CDH11: variants seen among roughly 807,000 people sequenced by gnomAD.
The protein encoded by CDH11 is cadherin 11, also known as cadherin-11.
In CDH11, 11 loss-of-function variants were observed where a neutral mutation model predicts 67.8. The ratio of observed to expected loss-of-function variants is 0.16; its 90% CI spans 0.10 to 0.27. The LOEUF is 0.27. Among genes scored for constraint, CDH11 ranks in the 10% least tolerant of loss-of-function variants. CDH11 has a pLI of 1.00. For missense variants in CDH11, 847 were observed against 1,031.2 expected (o/e 0.82, Z 2.45); for synonymous variants, 419 against 400.0 (o/e 1.05, Z -0.57).
At chr16:65,118,594 G>T (rs1164356671) in intron 1 of CDH11, among the ~76,000 whole-genome samples, 2 of 152,138 alleles carry the variant, frequency 1.3e-5, no homozygotes, top group Non-Finnish European at 2.9e-5. Flanking sequence ...TTATGAAACA[G>T]CAGCCAATTC....
intron 2 of CDH11, among the ~76,000 whole-genome samples, chr16:65,016,090 A>G (rs936907676): frequency 6.6e-6 from 1 of 152,126 alleles, no homozygotes; most frequent in African/African-American, 2.4e-5. Context: ...TTTCTAATGT[A>G]CCTCACCAAA....
chr16:65,044,943 A>G (rs956373357), intron 2 of CDH11, among the ~76,000 whole-genome samples: 23 of 152,012 alleles, frequency 1.5e-4, no homozygotes, highest in Admixed American at 9.8e-4. Context: ...AGAGCTGGAC[A>G]TGCTTTCATG....
At chr16:65,087,169 T>C (rs1043454176) in intron 1 of CDH11, among the ~76,000 whole-genome samples, 7 of 152,180 alleles carry the variant, frequency 4.6e-5, no homozygotes, top group African/African-American at 1.7e-4. Context: ...CTGACACAGG[T>C]ATTGCTTCCT....
chr16:65,044,538 G>A (rs2142683020), intron 2 of CDH11, among the ~76,000 whole-genome samples: 1 of 152,120 alleles, frequency 6.6e-6, no homozygotes, highest in South Asian at 2.1e-4. Flanking sequence ...AGGAATCAAG[G>A]CACTCTCTAT....
At chr16:65,019,395 C>T (rs895855183) in intron 2 of CDH11, among the ~76,000 whole-genome samples, 1 of 152,134 alleles carries the variant, frequency 6.6e-6, no homozygotes, top group African/African-American at 2.4e-5. Flanking sequence ...ATTTTCCAAA[C>T]AATCTGTCTC....
At position 64,946,863 on chromosome 16, in the gene CDH11, A is replaced by G; in HGVS notation, c.*740T>C. 1 of 834,904 alleles carries G rather than the reference A, an allele frequency of 1.2e-6. No homozygotes were observed. The highest frequency in any genetic ancestry group is 1.5e-6 in the Non-Finnish European group (1 of 681,736). 51.7% of individuals were successfully genotyped at this position (834,904 alleles called of 1,614,324 possible). On this transcript the variant is annotated 3_prime_UTR_variant, in exon 13 of 13. Transcript: ENST00000268603. ...AGCAACAGTACAATGTTCATAAAATATAAGTGTGATGCCGTAACATTTTCT... is the reference window on the plus strand; with the variant it reads ...AGCAACAGTACAATGTTCATAAAATGTAAGTGTGATGCCGTAACATTTTCT...
chr16:64,980,117 G>GA (rs1413546765), intron 8 of CDH11, among the ~76,000 whole-genome samples: 1 of 152,062 alleles, frequency 6.6e-6, no homozygotes, highest in Non-Finnish European at 1.5e-5. Context: ...TTGTGGGGGG[G>GA]ATCAATAAAA....
At chr16:64,973,390 T>A (rs2072066335) in intron 8 of CDH11, among the ~76,000 whole-genome samples, 1 of 152,198 alleles carries the variant, frequency 6.6e-6, no homozygotes, top group African/African-American at 2.4e-5. Flanking sequence ...CCCAAACTAC[T>A]CAGAAAGTCA....
chr16:64,992,839 T>C, intron 5 of CDH11, 76 bp downstream of exon 5: 1 of 1,377,508 alleles, frequency 7.3e-7, no homozygotes, highest in Non-Finnish European at 1.0e-6. Flanking sequence ...GAAAACAGAG[T>C]ATTAAATAAG....
At chr16:65,022,845 C>T (rs2073454477) in intron 2 of CDH11, among the ~76,000 whole-genome samples, 1 of 152,122 alleles carries the variant, frequency 6.6e-6, no homozygotes, top group Non-Finnish European at 1.5e-5. Context: ...CATCGGGGGG[C>T]AGCCAACAGT....
At chr16:65,102,814 T>C (rs1016056500) in intron 1 of CDH11, among the ~76,000 whole-genome samples, 5 of 152,178 alleles carry the variant, frequency 3.3e-5, no homozygotes, top group Non-Finnish European at 2.9e-5. Flanking sequence ...ATCCTTCTGT[T>C]GAACCCAACT....
chr16:65,008,985 C>A (rs2073121254), intron 2 of CDH11, among the ~76,000 whole-genome samples: 1 of 152,082 alleles, frequency 6.6e-6, no homozygotes, highest in South Asian at 2.1e-4. Flanking sequence ...TATTGCTATT[C>A]CCATTTTACA....
intron 1 of CDH11, among the ~76,000 whole-genome samples, chr16:65,074,989 C>T (rs2142779734): frequency 6.6e-6 from 1 of 152,250 alleles, no homozygotes; most frequent in African/African-American, 2.4e-5. Context: ...ACTAGTTCCT[C>T]CTGCTGTCTC....
At position 64,982,247 on chromosome 16, in the gene CDH11, C is replaced by T. The variant is rs746154487; in HGVS notation, c.1054G>A (p.Val352Met). The T allele has an allele frequency of 5.6e-6, 9 of 1,613,120 alleles. No homozygotes were observed. The highest frequency in any genetic ancestry group is 2.2e-5 in the South Asian group (2 of 91,068). The change falls in exon 8 of 13, where the codon GTG becomes ATG. Residue 352 changes from valine to methionine, a missense_variant. Physicochemically the swap from Val to Met is conservative, Grantham distance 21 (BLOSUM62 1). Around this residue, in one of 2 missense-constraint regions of CDH11, gnomAD observed 612 missense variants for 678.7 expected, o/e 0.90. Transcript: ENST00000268603. ...AYSLKVEAAN[V>M]HIDPKFISNG... The stretch of plus-strand genomic sequence containing the variant: ...CTGATAAACTTCGGGTCGATGTGCA[C>T]GTTGGCTGCCTCTACCTTCAAGCTA...
At chr16:65,118,186 A>G (rs1567590313) in intron 1 of CDH11, among the ~76,000 whole-genome samples, 1 of 152,140 alleles carries the variant, frequency 6.6e-6, no homozygotes, top group South Asian at 2.1e-4. Context: ...CAGAAGTGCA[A>G]TCTTCCGCGA....
chr16:64,987,639 C>G (rs1490040767), intron 7 of CDH11: 1 of 152,242 alleles, frequency 6.6e-6, no homozygotes, highest in African/African-American at 2.4e-5. Flanking sequence ...GGTCCACAGG[C>G]TCTTTGACTA....
intron 2 of CDH11, among the ~76,000 whole-genome samples, chr16:65,045,286 G>A (rs1229619257): frequency 7.1e-6 from 1 of 141,394 alleles, no homozygotes; most frequent in Non-Finnish European, 1.5e-5. Context: ...ACAAGCCCTT[G>A]CAAGAATGTG....
chr16:64,988,599 G>A (rs966753084), intron 6 of CDH11, among the ~76,000 whole-genome samples: 2 of 152,122 alleles, frequency 1.3e-5, no homozygotes, highest in African/African-American at 2.4e-5. Flanking sequence ...CCACATGTAA[G>A]GGAGAAAAAC....
At chr16:64,970,752 T>C (rs2071982707) in intron 11 of CDH11, among the ~76,000 whole-genome samples, 1 of 152,224 alleles carries the variant, frequency 6.6e-6, no homozygotes, top group Non-Finnish European at 1.5e-5. Flanking sequence ...TATAGCAATC[T>C]GTATTCCTCC....
Sources: allele counts gnomAD v4.1 joint callset (sites outside exome capture counted in the v4.1 genomes callset), GRCh38; gene constraint gnomAD v4.1.1; regional missense constraint gnomAD v4.1.1; transcripts MANE v1.5; gene names NCBI Gene and HGNC (gene_info 2026-07-23, HGNC 2026-07-21).